Variants in DCAF6 observed in about 807,000 individuals in gnomAD.
The protein encoded by DCAF6 is DDB1- and CUL4-associated factor 6.
A neutral mutation model predicts 125.1 loss-of-function variants in DCAF6; 54 were observed. The observed-to-expected ratio is 0.43, with a 90% confidence interval of 0.35 to 0.54. The LOEUF is 0.54. Among genes scored for constraint, DCAF6 ranks in the 20% least tolerant of loss-of-function variants. DCAF6 has a pLI of 0.01. For synonymous variants in DCAF6, 371 were observed against 390.4 expected, an observed-to-expected ratio of 0.95 and a Z score of 0.58; for missense variants, 934 against 1,161.7, an observed-to-expected ratio of 0.80 and a Z score of 2.85.
At chr1:167,955,915 C>T (rs1674709944) in intron 2 of DCAF6, among the ~76,000 whole-genome samples, 1 of 152,038 alleles carries the variant, frequency 6.6e-6, no homozygotes, top group Admixed American at 6.6e-5. Context: ...GTGCATGCCA[C>T]CACCCCAGCA....
rs532887027 is a variant in DCAF6, at chr1:168,031,318, G to A, written c.1610-7053G>A. Among the ~76,000 whole-genome samples, 20 of 152,302 alleles carry A rather than the reference G, an allele frequency of 1.3e-4. 1 individual carries two copies. In the South Asian group the frequency reaches 3.5e-3, roughly 27 times the overall value. ...AGAAGCAACTAGAGAGGTGGATGGC[G>A]ACATAGAACAGCGTGGTGTCTTGTG... is the stretch of plus-strand genomic sequence containing the variant. On this transcript the variant is annotated intron_variant, in intron 12 of 21. Transcript: ENST00000367840.
intron 2 of DCAF6, among the ~76,000 whole-genome samples, chr1:167,964,666 T>C (rs1676124883): frequency 1.3e-5 from 2 of 152,244 alleles, no homozygotes; most frequent in African/African-American, 4.8e-5. Flanking sequence ...GTATTCACAT[T>C]ATACATGAGT....
chr1:167,972,115 C>G (rs1381813852), intron 3 of DCAF6, among the ~76,000 whole-genome samples: 1 of 152,188 alleles, frequency 6.6e-6, no homozygotes, highest in Non-Finnish European at 1.5e-5. Flanking sequence ...CTTGGCCTCC[C>G]AAAGTGCTGA....
chr1:167,918,003 T>A, the DCAF6 span: 1 of 208,230 alleles, frequency 4.8e-6, no homozygotes, highest in Non-Finnish European at 9.6e-6. Context: ...ATCTTCCAAC[T>A]TCTTGAATTT....
the DCAF6 span, among the ~76,000 whole-genome samples, chr1:167,897,332 CAA>C: frequency 9.3e-5 from 11 of 118,454 alleles, no homozygotes; most frequent in African/African-American, 1.6e-4. Context: ...ACCAAAAATA[CAA>C]AAAAAAAAAA....
intron 6 of DCAF6, 133 bp from the exon 7 acceptor site, chr1:167,993,093 C>A: frequency 1.2e-6 from 1 of 809,702 alleles, no homozygotes; most frequent in Non-Finnish European, 1.9e-6. Flanking sequence ...AGAACCTCTA[C>A]TGGAAATAAA....
At chr1:167,987,749 T>C (rs1458578342) in intron 5 of DCAF6, 141 bp downstream of exon 5, 5 of 521,170 alleles carry the variant, frequency 9.6e-6, no homozygotes, top group Non-Finnish European at 1.7e-5. Context: ...TTTTAAATTT[T>C]TGTTTTGCTA....
the DCAF6 span, among the ~76,000 whole-genome samples, chr1:167,921,721 T>C: frequency 1.3e-5 from 2 of 149,688 alleles, no homozygotes; most frequent in Non-Finnish European, 3.0e-5. Context: ...TAATAAATTG[T>C]TTTTTTTTAA....
intron 1 of DCAF6, among the ~76,000 whole-genome samples, chr1:167,938,313 A>T (rs1226743090): frequency 1.3e-5 from 2 of 152,170 alleles, no homozygotes; most frequent in Non-Finnish European, 2.9e-5. Flanking sequence ...ATGGTGTCAT[A>T]TTGTAAACAT....
the DCAF6 span, among the ~76,000 whole-genome samples, chr1:167,874,460 GGATAAAGATT>G: frequency 2.0e-4 from 31 of 152,094 alleles, no homozygotes; most frequent in Non-Finnish European, 2.9e-4. Context: ...ATTATTGAAA[GGATAAAGATT>G]GATAAAACTA....
intron 21 of DCAF6, among the ~76,000 whole-genome samples, chr1:168,072,305 A>C (rs1300335543): frequency 6.9e-6 from 1 of 145,586 alleles, no homozygotes; most frequent in African/African-American, 2.5e-5. Context: ...AAAAAAAAAA[A>C]AAAAAAAAAA....
chr1:167,971,786 CTCA>C (rs1677346597), intron 3 of DCAF6, among the ~76,000 whole-genome samples: 1 of 152,094 alleles, frequency 6.6e-6, no homozygotes, highest in Non-Finnish European at 1.5e-5. Flanking sequence ...TTCAGAATAA[CTCA>C]TAATGCATTG....
At position 167,943,877 on chromosome 1, in the gene DCAF6, C is replaced by T. The variant is rs1165072984; in HGVS notation, c.97+6869C>T. Among the ~76,000 whole-genome samples the T allele has an allele frequency of 3.3e-4, 50 of 151,948 alleles. 1 individual carries two copies. Among genetic ancestry groups the T allele is most frequent in the Admixed American group, 3.2e-3 (49 of 15,244 alleles). The stretch of plus-strand genomic sequence containing the variant: ...TTTTTGAGATGGAGTCTCACTCTGT[C>T]GCCCAGGCTGTAGTGCAGTGGTGAG... On this transcript the variant is annotated intron_variant, in intron 1 of 21. Transcript: ENST00000367840.
the DCAF6 span, among the ~76,000 whole-genome samples, chr1:167,885,698 C>G: frequency 2.0e-5 from 3 of 152,144 alleles, no homozygotes; most frequent in African/African-American, 7.2e-5. Context: ...TCACTGCAAC[C>G]TCCGCCTCCT....
At chr1:167,906,332 G>A in the DCAF6 span, among the ~76,000 whole-genome samples, 1 of 150,038 alleles carries the variant, frequency 6.7e-6, no homozygotes. Flanking sequence ...ATGTTAAGAA[G>A]TGAACAAAAG....
chr1:167,924,549 A>G, the DCAF6 span: 16 of 1,514,800 alleles, frequency 1.1e-5, no homozygotes, highest in Non-Finnish European at 1.3e-5. Flanking sequence ...TGAAAAAAAA[A>G]AGAAAAGAAA....
rs59674650 is a variant in DCAF6 at position 168,072,294 on chromosome 1, T to TAAAAA, written c.2792-3050_2792-3046dup. Among the ~76,000 whole-genome samples the TAAAAA allele has an allele frequency of 6.2e-3, 256 of 41,034 alleles. 1 individual carries two copies. Among genetic ancestry groups the TAAAAA allele is most frequent in the Non-Finnish European group, 6.6e-3 (148 of 22,272 alleles). The allele number at this position is 41,034 out of a possible 152,430, so 26.9% of individuals were successfully genotyped here. A position where few individuals can be genotyped will look rare whatever the true frequency, so the allele number is the denominator to read the frequency against. Reference sequence around the variant, plus strand: ...CCTGGTGACAGAGGGAGAATCAGTCTAAAAAAAAAAAAAAAAAAAAAAAAA... The same window carrying TAAAAA: ...CCTGGTGACAGAGGGAGAATCAGTCTAAAAAAAAAAAAAAAAAAAAAAAAAAAAAA... On this transcript the variant is annotated intron_variant, in intron 21 of 21. Transcript: ENST00000367840.
chr1:167,962,618 C>T (rs1328109984), intron 2 of DCAF6, among the ~76,000 whole-genome samples: 1 of 152,116 alleles, frequency 6.6e-6, no homozygotes, highest in Admixed American at 6.5e-5. Context: ...TTGTAAACAA[C>T]ATATATTTGG....
chr1:168,045,011 A>G lies in DCAF6; in HGVS notation c.2042A>G (p.Lys681Arg), dbSNP rs1450434225. ...GVPEESASSE[K>R]AKEPETSDQT... is the part of the protein sequence containing the mutation. ...CCAGAAGAATCTGCTTCATCTGAAA[A>G]AGCCAAGGAACCAGAAACTTCAGAT... Residue 681 changes from lysine (K) to arginine (R), a missense_variant, in exon 16 of 22, where the codon AAA becomes AGA. Around this residue, in one of 5 missense-constraint regions of DCAF6, gnomAD observed 559 missense variants for 635.5 expected, o/e 0.88. Coordinates refer to ENST00000367840, the MANE Select transcript of DCAF6 (RefSeq NM_001198956.2). 13 of 1,614,118 alleles carry G rather than the reference A, an allele frequency of 8.1e-6. No homozygotes were observed. The highest frequency in any genetic ancestry group is 1.1e-5 in the Non-Finnish European group (13 of 1,179,968).
Sources: allele counts gnomAD v4.1 joint callset (sites outside exome capture counted in the v4.1 genomes callset), GRCh38; gene constraint gnomAD v4.1.1; regional missense constraint gnomAD v4.1.1; transcripts MANE v1.5; gene names NCBI Gene and HGNC (gene_info 2026-07-23, HGNC 2026-07-21).